The following USP28 variants were observed in gnomAD, a reference collection of about 807,000 sequenced individuals.
The protein encoded by USP28 is ubiquitin carboxyl-terminal hydrolase 28.
Under a neutral mutation model 145.0 loss-of-function variants are expected in USP28, and 113 were observed. That is an observed-to-expected ratio of 0.78 (90% CI 0.67 to 0.91). The LOEUF (loss-of-function observed/expected upper bound fraction) is 0.91. Among genes scored for constraint, USP28 ranks in the 40% least tolerant of loss-of-function variants. The probability of loss-of-function intolerance (pLI) is 0.00; values close to 1 mark genes in which losing one functional copy is unlikely to be tolerated. For missense variants in USP28, 1,201 were observed against 1,289.6 expected (o/e 0.93, Z 1.05); for synonymous variants, 447 against 450.9 (o/e 0.99, Z 0.11).
intron 12 of USP28, among the ~76,000 whole-genome samples, chr11:113,819,872 A>T (rs539801177): frequency 3.3e-5 from 5 of 152,266 alleles, no homozygotes; most frequent in African/African-American, 1.2e-4. Flanking sequence ...GGCATGCGCC[A>T]CCACGCTCGG....
chr11:113,812,205 T>G (rs1171757600), intron 16 of USP28, 71 bp downstream of exon 16: 1 of 1,175,132 alleles, frequency 8.5e-7, no homozygotes, highest in Middle Eastern at 2.1e-4. Flanking sequence ...TAAAAAGCAG[T>G]ACAAGACTGT....
At chr11:113,808,191 G>T (rs939334541) in intron 18 of USP28, 55 bp from the exon 19 acceptor site, 120 of 1,537,242 alleles carry the variant, frequency 7.8e-5, no homozygotes, top group Admixed American at 1.2e-4. Context: ...AATAAATAGG[G>T]GTTGGTTAAA....
intron 5 of USP28, among the ~76,000 whole-genome samples, chr11:113,840,186 C>G (rs1591357097): frequency 6.6e-6 from 1 of 152,128 alleles, no homozygotes; most frequent in African/African-American, 2.4e-5. Flanking sequence ...ATCCAACTGC[C>G]CACCAATCCT....
At chr11:113,803,600 A>G (rs947480722) in intron 22 of USP28, among the ~76,000 whole-genome samples, 198 bp downstream of exon 23, 12 of 152,242 alleles carry the variant, frequency 7.9e-5, no homozygotes, top group Non-Finnish European at 1.5e-4. Flanking sequence ...TCTCGCAGCT[A>G]ATACATCTAA....
chr11:113,817,672 C>T, exon 13 of USP28: 8 of 1,612,860 alleles, frequency 5.0e-6, no homozygotes, highest in Non-Finnish European at 6.8e-6. Flanking sequence ...CCTTGGATGT[C>T]TGGTCAGAAA....
At chr11:113,872,603 G>A (rs1416906771) in intron 1 of USP28, among the ~76,000 whole-genome samples, 2 of 152,112 alleles carry the variant, frequency 1.3e-5, no homozygotes, top group Admixed American at 6.6e-5. Context: ...GGAAACGAAA[G>A]GTCAATAAAT....
intron 1 of USP28, among the ~76,000 whole-genome samples, chr11:113,867,895 A>G (rs1948452464): frequency 6.6e-6 from 1 of 152,168 alleles, no homozygotes; most frequent in African/African-American, 2.4e-5. Context: ...GGGCAAGAAG[A>G]TTGAAAAAGA....
At chr11:113,823,101 T>G (rs746314606) in intron 12 of USP28, among the ~76,000 whole-genome samples, 2 of 152,140 alleles carry the variant, frequency 1.3e-5, no homozygotes, top group South Asian at 4.1e-4. Context: ...ACAGAAATAG[T>G]GTAAAACCAA....
chr11:113,815,219 T>C, exon 14 of USP28: 1 of 1,614,112 alleles, frequency 6.2e-7, no homozygotes, highest in South Asian at 1.1e-5. Context: ...TGAAGACAGG[T>C]CTTAACAAAA....
chr11:113,821,101 G>A, intron 12 of USP28: 1 of 244,488 alleles, frequency 4.1e-6, no homozygotes, highest in Non-Finnish European at 8.9e-6. Context: ...TGGGATGAAA[G>A]TACTGGGGCT....
exon 17 of USP28, chr11:113,809,099 T>A (rs1940536217): frequency 1.2e-6 from 2 of 1,614,090 alleles, no homozygotes; most frequent in South Asian, 2.2e-5. Flanking sequence ...GAGGAGTTGG[T>A]GGAGGACTCC....
At chr11:113,872,909 A>G (rs1475904201) in intron 1 of USP28, among the ~76,000 whole-genome samples, 1 of 152,244 alleles carries the variant, frequency 6.6e-6, no homozygotes, top group African/African-American at 2.4e-5. Flanking sequence ...GTCTACTCTC[A>G]GATTCGAGTC....
chr11:113,859,067 G>A (rs987810898), intron 1 of USP28, among the ~76,000 whole-genome samples: 60 of 151,850 alleles, frequency 4.0e-4, no homozygotes, highest in African/African-American at 1.4e-3. Context: ...TTTTGGAAAT[G>A]GGGGTCTCGC....
At chr11:113,808,260 C>T (rs1351483308) in intron 18 of USP28, 38 bp downstream of exon 18, 1 of 1,595,326 alleles carries the variant, frequency 6.3e-7, no homozygotes, top group Non-Finnish European at 8.5e-7. Context: ...TGCTGAAAGC[C>T]CGGCTCTCCT....
At chr11:113,854,483 C>T (rs1946828234) in intron 1 of USP28, 148 bp from the exon 2 acceptor site, 1 of 635,552 alleles carries the variant, frequency 1.6e-6, no homozygotes, top group Non-Finnish European at 2.6e-6. Flanking sequence ...CTCACTGCAA[C>T]CTCCGCCTCC....
In USP28 at chr11:113,828,412, T is replaced by C. The variant is rs1268117172; in HGVS notation, c.1059+785A>G. 2.0e-5 allele frequency among the ~76,000 whole-genome samples: 3 copies of C among 152,232 alleles called. No homozygotes were observed. The East Asian group carries it at 5.8e-4, about 29-fold the overall frequency. On this transcript the variant is annotated intron_variant, in intron 10 of 24. Transcript: ENST00000003302. ...TCCTCCATTAGGAATCAGTTTTTCCTTGAAAATCCAGGGAGGCAGCAGCTC... is the reference window on the plus strand; with the variant it reads ...TCCTCCATTAGGAATCAGTTTTTCCCTGAAAATCCAGGGAGGCAGCAGCTC...
chr11:113,829,376 A>C, intron 9 of USP28, 31 bp from the exon 10 acceptor site: 1 of 1,611,194 alleles, frequency 6.2e-7, no homozygotes, highest in Non-Finnish European at 8.5e-7. Flanking sequence ...TTTAAAAAAG[A>C]CATCACTATG....
At chr11:113,817,670 G>A in exon 13 of USP28, 2 of 1,613,248 alleles carry the variant, frequency 1.2e-6, no homozygotes, top group Non-Finnish European at 8.5e-7. Flanking sequence ...TTCCTTGGAT[G>A]TCTGGTCAGA....
chr11:113,844,237 GA>G (rs1565449260), intron 3 of USP28, among the ~76,000 whole-genome samples: 1 of 151,878 alleles, frequency 6.6e-6, no homozygotes, highest in Admixed American at 6.6e-5. Context: ...TCAGGAGTTC[GA>G]GACCAGCCTG....
Sources: gnomAD v4.1 joint callset for allele counts (sites outside exome capture counted in the v4.1 genomes callset) on GRCh38, gnomAD v4.1.1 for gene constraint, MANE v1.5 for transcripts, NCBI Gene and HGNC (gene_info 2026-07-23, HGNC 2026-07-21) for gene names.